VIRMA: variants seen among roughly 807,000 people sequenced by gnomAD.
The protein encoded by VIRMA is vir like m6A methyltransferase associated, also known as protein virilizer homolog.
Under a neutral mutation model 182.4 loss-of-function variants are expected in VIRMA, and 65 were observed. That is an observed-to-expected ratio of 0.36 (90% CI 0.29 to 0.44). The LOEUF (loss-of-function observed/expected upper bound fraction) is 0.44. VIRMA is among the 20% of genes least tolerant of loss of function. The pLI, the probability that VIRMA is intolerant of heterozygous loss-of-function variation, is 1.00. For synonymous variants in VIRMA, 709 were observed against 743.1 expected (o/e 0.95, Z 0.75); for missense variants, 1,752 against 2,158.1 (o/e 0.81, Z 3.73).
Position 94,490,091 on chromosome 8 carries a change from A to C in VIRMA, c.5141-9T>G, listed in dbSNP as rs371467408. The C allele has an allele frequency of 6.3e-7, 1 of 1,595,432 alleles. No individual in the cohort carries two copies. The highest frequency in any genetic ancestry group is 1.8e-5 in the Admixed American group (1 of 55,034). On this transcript the variant is annotated splice_polypyrimidine_tract_variant and intron_variant, in intron 22 of 23. Transcript: ENST00000297591. ...CCGACGACTGTAGTTTCCTAAACACAAACAGCACAATCAAAATCACTTTTT... is the reference window on the plus strand; with the variant it reads ...CCGACGACTGTAGTTTCCTAAACACCAACAGCACAATCAAAATCACTTTTT...
intron 16 of VIRMA, among the ~76,000 whole-genome samples, chr8:94,505,715 C>T (rs1190244780): frequency 6.6e-6 from 1 of 152,062 alleles, no homozygotes; most frequent in African/African-American, 2.4e-5. Context: ...AACTCTTGAA[C>T]TACTGGGCTC....
chr8:94,518,905 C>T (rs774215748), intron 9 of VIRMA, 80 bp downstream of exon 9: 24 of 1,279,930 alleles, frequency 1.9e-5, no homozygotes, highest in Non-Finnish European at 2.4e-5. Flanking sequence ...CAAAATAACA[C>T]CTTCTTTTAA....
intron 5 of VIRMA, among the ~76,000 whole-genome samples, chr8:94,531,299 T>C (rs1372810057): frequency 6.6e-6 from 1 of 152,140 alleles, no homozygotes; most frequent in East Asian, 1.9e-4. Flanking sequence ...AGGACTTGAG[T>C]ATGCACAGAT....
In VIRMA at chr8:94,499,363, C is replaced by T; in HGVS notation, c.4230+11G>A. The T allele has an allele frequency of 6.5e-7, 1 of 1,531,430 alleles. No individual in the cohort carries two copies. Among genetic ancestry groups the T allele is most frequent in the Non-Finnish European group, 8.8e-7 (1 of 1,134,444 alleles). 94.9% of individuals were successfully genotyped at this position (1,531,430 alleles called of 1,614,324 possible). A position where few individuals can be genotyped will look rare whatever the true frequency, so the allele number is the denominator to read the frequency against. On this transcript the variant is annotated intron_variant, in intron 17 of 23. Transcript: ENST00000297591. ...ACATATATACACAAACACAAACACACACATACTTACAATTGTGTCAGAGTT... is the reference window on the plus strand; with the variant it reads ...ACATATATACACAAACACAAACACATACATACTTACAATTGTGTCAGAGTT...
Position 94,491,815 on chromosome 8 carries a change from G to T in VIRMA, c.4903C>A (p.Pro1635Thr). The T allele has an allele frequency of 6.2e-7, 1 of 1,613,644 alleles. No homozygotes were observed. Residue 1635 changes from proline to threonine, a missense_variant, in exon 22 of 24, where the codon CCT becomes ACT. Pro to Thr is a conservative substitution (Grantham distance 38). Transcript: ENST00000297591. ...GRGGFGQGIR[P>T]HDIFRQRKQN... ...TTTCTCTGACGAAAAATATCATGAG[G>T]TCGTATACCCTGTCCAAATCCTCCC...
chr8:94,520,787 C>T (rs1814734315), intron 8 of VIRMA, among the ~76,000 whole-genome samples: 1 of 152,092 alleles, frequency 6.6e-6, no homozygotes, highest in Non-Finnish European at 1.5e-5. Context: ...GATGACTGTA[C>T]TATAGAAAAA....
At chr8:94,533,601 C>T (rs1815240175) in intron 5 of VIRMA, 1 of 139,376 alleles carries the variant, frequency 7.2e-6, no homozygotes, top group Admixed American at 7.9e-5. Context: ...CCATCGTGCC[C>T]AGCTAATTCT....
At chr8:94,551,222 T>C (rs1180382089) in intron 1 of VIRMA, among the ~76,000 whole-genome samples, 1 of 152,202 alleles carries the variant, frequency 6.6e-6, no homozygotes, top group African/African-American at 2.4e-5. Context: ...AACACCTTGA[T>C]GAAGTCTTTC....
At chr8:94,540,563 C>A (rs1815512772) in intron 2 of VIRMA, among the ~76,000 whole-genome samples, 1 of 149,334 alleles carries the variant, frequency 6.7e-6, no homozygotes, top group Non-Finnish European at 1.5e-5. Flanking sequence ...CTCTCAGGTT[C>A]AAGTGATCCT....
At chr8:94,495,044 C>T (rs1331412596) in intron 19 of VIRMA, 88 bp from the exon 20 acceptor site, 1 of 879,730 alleles carries the variant, frequency 1.1e-6, no homozygotes, top group Non-Finnish European at 1.9e-6. Context: ...TGCTGTTACC[C>T]AGCTGGAGCG....
intron 1 of VIRMA, among the ~76,000 whole-genome samples, chr8:94,550,052 G>A (rs1586119586): frequency 6.6e-6 from 1 of 150,458 alleles, no homozygotes; most frequent in African/African-American, 2.5e-5. Flanking sequence ...AGCTGTGATC[G>A]CACCAGTGCA....
In VIRMA at chr8:94,488,036, C is replaced by T. The variant is rs906667119; in HGVS notation, c.*670G>A. On this transcript the variant is annotated 3_prime_UTR_variant, in exon 24 of 24. Coordinates refer to ENST00000297591, the MANE Select transcript of VIRMA (RefSeq NM_015496.5). ...TTAGCAAATTAACATGGGTGCCACACAATATTTTAAAATTTTTGAGAAAAA... is the reference window on the plus strand; with the variant it reads ...TTAGCAAATTAACATGGGTGCCACATAATATTTTAAAATTTTTGAGAAAAA... 6.6e-6 allele frequency: 1 copy of T among 152,090 alleles called. No homozygotes were observed. Among genetic ancestry groups the T allele is most frequent in the East Asian group, 1.9e-4 (1 of 5,200 alleles). The allele number at this position is 152,090 out of a possible 1,614,324, so 9.4% of individuals were successfully genotyped here.
intron 11 of VIRMA, among the ~76,000 whole-genome samples, chr8:94,514,103 G>A (rs1010829128): frequency 2.0e-5 from 3 of 151,762 alleles, no homozygotes; most frequent in East Asian, 1.9e-4. Context: ...ACACACACAC[G>A]CAAACACACG....
chr8:94,538,382 T>A, intron 2 of VIRMA, 36 bp from the exon 3 acceptor site: 1 of 1,238,170 alleles, frequency 8.1e-7, no homozygotes, highest in Non-Finnish European at 1.2e-6. Context: ...TCAGCCTTTG[T>A]AACAAACACT....
intron 5 of VIRMA, chr8:94,533,897 T>C (rs1431951376): frequency 1.3e-5 from 2 of 151,332 alleles, no homozygotes; most frequent in Non-Finnish European, 3.0e-5. Flanking sequence ...TGTCAACTTC[T>C]TTTTTTTTAA....
At chr8:94,499,933 C>T (rs1342826476) in intron 16 of VIRMA, among the ~76,000 whole-genome samples, 3 of 151,406 alleles carry the variant, frequency 2.0e-5, no homozygotes, top group Admixed American at 1.3e-4. Flanking sequence ...CCTGCAATCC[C>T]AGCTACTCGG....
At position 94,509,877 on chromosome 8, in the gene VIRMA, A is replaced by G; in HGVS notation, c.3690T>C (p.Asp1230=). The G allele has an allele frequency of 1.2e-6, 2 of 1,613,928 alleles. No homozygotes were observed. The highest frequency in any genetic ancestry group is 1.7e-6 in the Non-Finnish European group (2 of 1,179,810). ...TACAAGCTTTGTGTGAAGCCAGAGC[A>G]TCAAGAAGAGCAAGCAACCTGGTGG... is the stretch of plus-strand genomic sequence containing the variant. The part of the protein sequence containing the change: ...SQTTRLLALL[D]ALASHKACKL... The change falls in exon 15 of 24, where the codon GAT becomes GAC. Residue 1230 remains aspartate (D), a synonymous_variant. Transcript: ENST00000297591.
intron 5 of VIRMA, chr8:94,533,614 CT>C (rs60590655): frequency 0.045 from 5,421 of 119,464 alleles, 114 homozygotes; most frequent in Middle Eastern, 0.057. Context: ...CTAATTCTTT[CT>C]TTTTTTTTTT....
intron 21 of VIRMA, 151 bp from the exon 22 acceptor site, chr8:94,492,060 A>T: frequency 1.8e-6 from 1 of 570,644 alleles, no homozygotes. Flanking sequence ...ATAATATAAC[A>T]AACTAGCTAA....
Sources: gnomAD v4.1 joint callset for allele counts (sites outside exome capture counted in the v4.1 genomes callset) on GRCh38, gnomAD v4.1.1 for gene constraint, MANE v1.5 for transcripts, NCBI Gene and HGNC (gene_info 2026-07-23, HGNC 2026-07-21) for gene names.